Variants in RBM25 observed in about 807,000 individuals in gnomAD.
RBM25 encodes RNA binding motif protein 25.
In RBM25, 19 loss-of-function variants were observed where a neutral mutation model predicts 120.7. That is an observed-to-expected ratio of 0.16 (90% CI 0.11 to 0.23). The LOEUF is 0.23. Among genes scored for constraint, RBM25 ranks in the 10% least tolerant of loss-of-function variants. RBM25 has a pLI of 1.00. For synonymous variants in RBM25, 390 were observed against 326.7 expected (o/e 1.19, Z -2.09); for missense variants, 605 against 1,041.5 (o/e 0.58, Z 5.77).
At chr14:73,106,815 AC>A (rs770388628) in intron 12 of RBM25, among the ~76,000 whole-genome samples, 10 of 151,926 alleles carry the variant, frequency 6.6e-5, no homozygotes, top group Non-Finnish European at 1.2e-4. Context: ...ACATATACAT[AC>A]ATGTATACAT....
At chr14:73,068,460 G>A in intron 1 of RBM25, 1 of 799,670 alleles carries the variant, frequency 1.3e-6, no homozygotes, top group Non-Finnish European at 2.1e-6. Context: ...TTATCAGGAA[G>A]GAACAAATCC....
intron 9 of RBM25, 21 bp downstream of exon 9, chr14:73,099,771 C>G: frequency 1.9e-6 from 3 of 1,585,342 alleles, no homozygotes; most frequent in Non-Finnish European, 2.6e-6. Flanking sequence ...TGTCTTTTCA[C>G]TTGATACCAA....
chr14:73,096,946 A>G lies in RBM25; in HGVS notation c.575A>G (p.Asp192Gly), dbSNP rs1206026390. Reference sequence around the variant, plus strand: ...AGGCCAGAAACTGTCACTAATGACGATGAAGAAGCCTTGGATGAAGAAACA... The same window carrying G: ...AGGCCAGAAACTGTCACTAATGACGGTGAAGAAGCCTTGGATGAAGAAACA... ...NARPETVTND[D>G]EEALDEETKR... The change falls in exon 7 of 19, where the codon GAT becomes GGT. Residue 192 changes from aspartate to glycine, a missense_variant. Physicochemically the swap from Asp to Gly is moderately conservative, Grantham distance 94. Coordinates refer to ENST00000261973, the MANE Select transcript of RBM25 (RefSeq NM_021239.3). The G allele has an allele frequency of 1.9e-6, 3 of 1,613,078 alleles. No individual in the cohort carries two copies. Among genetic ancestry groups the G allele is most frequent in the South Asian group, 1.1e-5 (1 of 90,734 alleles).
chr14:73,108,346 G>A (rs181243949), intron 13 of RBM25, among the ~76,000 whole-genome samples: 2 of 152,318 alleles, frequency 1.3e-5, no homozygotes, highest in Admixed American at 6.5e-5. Flanking sequence ...TACCACACCT[G>A]TGTGCTAGGT....
At chr14:73,090,058 C>T (rs1028151402) in intron 6 of RBM25, among the ~76,000 whole-genome samples, 1 of 151,310 alleles carries the variant, frequency 6.6e-6, no homozygotes, top group Non-Finnish European at 1.5e-5. Context: ...AAGTACCCCC[C>T]CTCTTTTTTT....
At position 73,120,965 on chromosome 14, in the gene RBM25, G is replaced by GC. The variant is rs1172785077; in HGVS notation, c.*1161dup. 6.6e-5 allele frequency: 10 copies of GC among 152,048 alleles called. No homozygotes were observed. The highest frequency in any genetic ancestry group is 1.3e-4 in the Non-Finnish European group (9 of 67,984). 9.4% of individuals were successfully genotyped at this position (152,048 alleles called of 1,614,324 possible). ...AAGGTTTATATCTTGTTTTACCTTG[G>GC]CTCATTAGTGTTTAAAAATGTACTG... On this transcript the variant is annotated 3_prime_UTR_variant, in exon 19 of 19. Coordinates refer to ENST00000261973, the MANE Select transcript of RBM25 (RefSeq NM_021239.3).
chr14:73,106,412 A>G, intron 12 of RBM25, 127 bp downstream of exon 12: 1 of 807,208 alleles, frequency 1.2e-6, no homozygotes, highest in Middle Eastern at 4.2e-4. Flanking sequence ...TTTAATTTTT[A>G]TGTATTTTGA....
chr14:73,086,740 T>C (rs185639464), intron 5 of RBM25, among the ~76,000 whole-genome samples: 1 of 152,348 alleles, frequency 6.6e-6, no homozygotes, highest in African/African-American at 2.4e-5. Flanking sequence ...GGTCTCTGTC[T>C]GTTGCCCAGG....
Position 73,075,806 on chromosome 14 carries a change from C to CT in RBM25, c.107-501dup, listed in dbSNP as rs760558841. The stretch of plus-strand genomic sequence containing the variant: ...CGACGTGTTTTACCTTTTTTTTGGT[C>CT]TTTTTTTTTTTTCCTTTTTGTGGAG... On this transcript the variant is annotated intron_variant, in intron 2 of 18. Transcript: ENST00000261973. Among the ~76,000 whole-genome samples the CT allele has an allele frequency of 3.9e-3, 551 of 142,996 alleles. 4 individuals carry two copies. The highest frequency in any genetic ancestry group is 0.013 in the African/African-American group (491 of 39,250). 93.8% of individuals were successfully genotyped at this position (142,996 alleles called of 152,430 possible). A position where few individuals can be genotyped will look rare whatever the true frequency, so the allele number is the denominator to read the frequency against.
rs747660456 is a variant in RBM25, at chr14:73,061,676, C to G, written c.-16+2971C>G. ...CCGCATTTCAGGCTTAAGCAATCCTCCCACCCCAGCCTCCCAAGTAGCTGG... is the reference window on the plus strand; with the variant it reads ...CCGCATTTCAGGCTTAAGCAATCCTGCCACCCCAGCCTCCCAAGTAGCTGG... On this transcript the variant is annotated intron_variant, in intron 1 of 18. Transcript: ENST00000261973. 4.0e-5 allele frequency among the ~76,000 whole-genome samples: 6 copies of G among 151,176 alleles called. 1 individual carries two copies. The highest frequency in any genetic ancestry group is 8.9e-5 in the Non-Finnish European group (6 of 67,460).
intron 2 of RBM25, among the ~76,000 whole-genome samples, chr14:73,073,331 A>G (rs984648856): frequency 2.6e-5 from 4 of 152,162 alleles, no homozygotes; most frequent in African/African-American, 7.2e-5. Context: ...AAGCCCCAAG[A>G]TAAATATGGG....
chr14:73,103,426 G>A lies in RBM25; in HGVS notation c.1102G>A (p.Asp368Asn). The change falls in exon 10 of 19, where the codon GAC (aspartate) becomes AAC (asparagine). Residue 368 changes from aspartate (D) to asparagine (N), a missense_variant. By Grantham distance (23) the Asp-to-Asn change is conservative (BLOSUM62 1). Transcript: ENST00000261973. ...DRDRDRERDR[D>N]RDRERSSDRN... The stretch of plus-strand genomic sequence containing the variant: ...AGATCGGGATCGAGAGAGAGATCGT[G>A]ACCGGGATAGAGAAAGGAGCTCAGA... The A allele has an allele frequency of 6.2e-7, 1 of 1,613,342 alleles. No homozygotes were observed. The highest frequency in any genetic ancestry group is 8.5e-7 in the Non-Finnish European group (1 of 1,179,742).
chr14:73,065,320 G>A (rs1895103482), intron 1 of RBM25, among the ~76,000 whole-genome samples: 1 of 152,028 alleles, frequency 6.6e-6, no homozygotes, highest in Non-Finnish European at 1.5e-5. Context: ...TAGAGACGGG[G>A]TTTCACCATG....
At chr14:73,119,598 A>T in intron 18 of RBM25, 115 bp from the exon 19 acceptor site, 1 of 1,533,488 alleles carries the variant, frequency 6.5e-7, no homozygotes, top group Non-Finnish European at 8.7e-7. Flanking sequence ...ACTAGCATTT[A>T]AGTAATAAGT....
At chr14:73,067,268 G>T (rs890014690) in intron 1 of RBM25, among the ~76,000 whole-genome samples, 4 of 151,794 alleles carry the variant, frequency 2.6e-5, no homozygotes. Context: ...CTGTATTAGA[G>T]AATTACCTGT....
At position 73,123,234 on chromosome 14, in the gene RBM25, G is replaced by C. The variant is rs1364168217; in HGVS notation, c.*3429G>C. The C allele has an allele frequency of 6.6e-6, 1 of 151,890 alleles. No homozygotes were observed. Among genetic ancestry groups the C allele is most frequent in the Non-Finnish European group, 1.5e-5 (1 of 67,996 alleles). The allele number at this position is 151,890 out of a possible 1,614,324, so 9.4% of individuals were successfully genotyped here. ...GAAAAACTGAGAAAACATTTAGCTT[G>C]AGAGCCAATTTGAACTAGACACTAT... is the stretch of plus-strand genomic sequence containing the variant. On this transcript the variant is annotated 3_prime_UTR_variant, in exon 19 of 19. Coordinates refer to ENST00000261973, the MANE Select transcript of RBM25 (RefSeq NM_021239.3).
intron 10 of RBM25, among the ~76,000 whole-genome samples, chr14:73,105,056 CACACACACAG>C (rs938924874): frequency 1.3e-5 from 2 of 151,478 alleles, no homozygotes; most frequent in African/African-American, 4.9e-5. Context: ...CACACACACA[CACACACACAG>C]AGTTATTTGA....
intron 5 of RBM25, 117 bp downstream of exon 5, chr14:73,083,668 C>A: frequency 1.6e-6 from 1 of 606,844 alleles, no homozygotes; most frequent in Non-Finnish European, 2.5e-6. Flanking sequence ...TATTAGCACT[C>A]TTTGTCCTCT....
At chr14:73,106,753 T>G (rs975798705) in intron 12 of RBM25, among the ~76,000 whole-genome samples, 5 of 152,238 alleles carry the variant, frequency 3.3e-5, no homozygotes, top group Middle Eastern at 6.8e-3. Context: ...AAAAACTATT[T>G]CTTATAGTAT....
Sources: gnomAD v4.1 joint callset for allele counts (sites outside exome capture counted in the v4.1 genomes callset) on GRCh38, gnomAD v4.1.1 for gene constraint, MANE v1.5 for transcripts, NCBI Gene and HGNC (gene_info 2026-07-23, HGNC 2026-07-21) for gene names.